Variants in NME7 observed in about 807,000 individuals in gnomAD.
NME7 encodes the protein nucleoside diphosphate kinase 7.
NME7 carries 41 observed loss-of-function variants against 49.1 expected under a neutral mutation model. The observed-to-expected ratio is 0.83, with a 90% CI of 0.65 to 1.08. NME7 has a LOEUF of 1.08. Ranked by LOEUF, NME7 falls within the 50% of genes least tolerant of loss-of-function variation. The probability of loss-of-function intolerance (pLI) is 0.00; values close to 1 mark genes in which losing one functional copy is unlikely to be tolerated. For missense variants in NME7, 423 were observed against 463.4 expected, an observed-to-expected ratio of 0.91 and a Z score of 0.80; for synonymous variants, 139 against 150.6, an observed-to-expected ratio of 0.92 and a Z score of 0.56.
At chr1:169,247,889 T>C (rs1439824140) in intron 7 of NME7, among the ~76,000 whole-genome samples, 1 of 152,328 alleles carries the variant, frequency 6.6e-6, no homozygotes, top group East Asian at 1.9e-4. Flanking sequence ...CATTCGTTAA[T>C]GGACACTTAG....
At chr1:169,230,412 T>C (rs1225208939) in intron 10 of NME7, among the ~76,000 whole-genome samples, 1 of 152,144 alleles carries the variant, frequency 6.6e-6, no homozygotes, top group Non-Finnish European at 1.5e-5. Context: ...ATACCTTAGA[T>C]AATTTCTATT....
intron 7 of NME7, among the ~76,000 whole-genome samples, chr1:169,254,532 T>G (rs1328982117): frequency 2.0e-5 from 3 of 151,716 alleles, no homozygotes; most frequent in Non-Finnish European, 2.9e-5. Flanking sequence ...ATTCATTAAT[T>G]TTTTGAAGGG....
At chr1:169,290,919 T>A (rs148266635) in intron 6 of NME7, among the ~76,000 whole-genome samples, 229 of 152,218 alleles carry the variant, frequency 1.5e-3, no homozygotes, top group Non-Finnish European at 2.6e-3. Context: ...AAAAAGCTCA[T>A]CACTGGTCAT....
chr1:169,254,048 GC>G (rs1648774845), intron 7 of NME7, among the ~76,000 whole-genome samples: 1 of 151,242 alleles, frequency 6.6e-6, no homozygotes, highest in Non-Finnish European at 1.5e-5. Context: ...TCTCTGCCTG[GC>G]TTTGGTATCA....
chr1:169,275,916 A>G (rs1280812810), intron 7 of NME7, among the ~76,000 whole-genome samples: 1 of 133,512 alleles, frequency 7.5e-6, no homozygotes, highest in Non-Finnish European at 1.8e-5. Context: ...ATTTTGTCAA[A>G]GGCCTTTTCT....
chr1:169,249,973 A>G (rs1016928046), intron 7 of NME7, among the ~76,000 whole-genome samples: 1 of 152,044 alleles, frequency 6.6e-6, no homozygotes, highest in Admixed American at 6.6e-5. Flanking sequence ...TGGTATCAGA[A>G]TGATACTGGC....
At chr1:169,143,932 T>TC (rs1322631625) in intron 11 of NME7, among the ~76,000 whole-genome samples, 1 of 151,930 alleles carries the variant, frequency 6.6e-6, no homozygotes, top group South Asian at 2.1e-4. Flanking sequence ...ACGGACCATT[T>TC]CCCCCCCAGA....
At chr1:169,133,940 C>G (rs1318785434) in intron 11 of NME7, among the ~76,000 whole-genome samples, 1 of 152,210 alleles carries the variant, frequency 6.6e-6, no homozygotes, top group Non-Finnish European at 1.5e-5. Flanking sequence ...TATAAGGTCA[C>G]GACCTTGGTG....
At chr1:169,279,584 G>C (rs35680826) in intron 7 of NME7, among the ~76,000 whole-genome samples, 4 of 152,264 alleles carry the variant, frequency 2.6e-5, no homozygotes, top group Admixed American at 2.6e-4. Flanking sequence ...TCCAGGTGCC[G>C]TCTGTCACCC....
At chr1:169,321,531 C>A (rs1419751833) in intron 3 of NME7, among the ~76,000 whole-genome samples, 1 of 152,136 alleles carries the variant, frequency 6.6e-6, no homozygotes, top group Non-Finnish European at 1.5e-5. Flanking sequence ...AAGACTTTTA[C>A]ATAAGATCTC....
chr1:169,192,492 T>C (rs893530096), intron 10 of NME7, among the ~76,000 whole-genome samples: 4 of 152,174 alleles, frequency 2.6e-5, no homozygotes, highest in South Asian at 2.1e-4. Flanking sequence ...ATAGATCATA[T>C]GCAATTACTA....
intron 1 of NME7, among the ~76,000 whole-genome samples, chr1:169,330,726 A>T (rs1054472716): frequency 2.6e-5 from 4 of 152,114 alleles, no homozygotes; most frequent in Admixed American, 1.3e-4. Context: ...TGGAGAAATT[A>T]AAAAAATCTT....
At chr1:169,148,883 A>T (rs1658831559) in intron 11 of NME7, among the ~76,000 whole-genome samples, 1 of 152,248 alleles carries the variant, frequency 6.6e-6, no homozygotes, top group South Asian at 2.1e-4. Flanking sequence ...GATCAAAGCC[A>T]TGTACCCATA....
intron 7 of NME7, among the ~76,000 whole-genome samples, chr1:169,242,674 C>T (rs1648141660): frequency 7.2e-6 from 1 of 138,784 alleles, no homozygotes; most frequent in Admixed American, 7.2e-5. Flanking sequence ...TATAGAAAAT[C>T]CCAAATAGCC....
At chr1:169,209,051 T>C (rs560108597) in intron 10 of NME7, among the ~76,000 whole-genome samples, 1 of 152,124 alleles carries the variant, frequency 6.6e-6, no homozygotes, top group East Asian at 1.9e-4. Flanking sequence ...GGGTGAAATA[T>C]AGCATTTTTT....
chr1:169,340,032 C>T (rs1263473289), intron 1 of NME7, among the ~76,000 whole-genome samples: 1 of 140,938 alleles, frequency 7.1e-6, no homozygotes, highest in Admixed American at 7.1e-5. Context: ...CTTCCTGTAC[C>T]ATCCCTTGTT....
At chr1:169,219,168 C>T (rs902843723) in intron 10 of NME7, among the ~76,000 whole-genome samples, 1 of 152,164 alleles carries the variant, frequency 6.6e-6, no homozygotes, top group Non-Finnish European at 1.5e-5. Context: ...CCCCACCCCA[C>T]TCAACACAGA....
chr1:169,353,958 G>A (rs1289218672), intron 1 of NME7, among the ~76,000 whole-genome samples: 1 of 152,154 alleles, frequency 6.6e-6, no homozygotes, highest in Non-Finnish European at 1.5e-5. Flanking sequence ...TGTTGGGAAT[G>A]TAAATTAGTA....
chr1:169,137,001 T>C (rs776674441), intron 11 of NME7, among the ~76,000 whole-genome samples: 1 of 152,268 alleles, frequency 6.6e-6, no homozygotes, highest in Non-Finnish European at 1.5e-5. Context: ...CGCACAGTTG[T>C]GGAATTCCAG....
Sources: allele counts gnomAD v4.1 joint callset (sites outside exome capture counted in the v4.1 genomes callset), GRCh38; gene constraint gnomAD v4.1.1; transcripts MANE v1.5; gene names NCBI Gene and HGNC (gene_info 2026-07-23, HGNC 2026-07-21).